Variants in CHRNB4 observed in about 807,000 individuals in gnomAD.
The protein encoded by CHRNB4 is neuronal acetylcholine receptor subunit beta-4.
In CHRNB4, 23 loss-of-function variants were observed where a neutral mutation model predicts 40.4. The ratio of observed to expected loss-of-function variants is 0.57; its 90% CI spans 0.41 to 0.81. CHRNB4 has a LOEUF of 0.81. Ranked by LOEUF, CHRNB4 falls within the 30% of genes least tolerant of loss-of-function variation. The pLI, the probability that CHRNB4 is intolerant of heterozygous loss-of-function variation, is 0.00. For synonymous variants in CHRNB4, 285 were observed against 274.4 expected (o/e 1.04, Z -0.38); for missense variants, 568 against 670.6 (o/e 0.85, Z 1.69).
intron 7 of CHRNB4, among the ~76,000 whole-genome samples, chr15:78,646,252 C>G (rs2054122401): frequency 6.6e-6 from 1 of 152,036 alleles, no homozygotes; most frequent in East Asian, 1.9e-4. Context: ...CAGAAGTTGC[C>G]TTGTAGATCA....
intron 1 of CHRNB4, among the ~76,000 whole-genome samples, chr15:78,640,260 G>A (rs2054041176): frequency 6.6e-6 from 1 of 152,188 alleles, no homozygotes; most frequent in South Asian, 2.1e-4. Context: ...AAGCCTGGGT[G>A]ACTGTAGGAG....
Position 78,654,252 on chromosome 15 carries a change from C to T in CHRNB4, c.-110+1292G>A, listed in dbSNP as rs930884280. Among the ~76,000 whole-genome samples, 3 of 152,220 alleles carry T rather than the reference C, an allele frequency of 2.0e-5. 1 individual carries two copies. The highest frequency in any genetic ancestry group is 4.4e-5 in the Non-Finnish European group (3 of 68,034). On this transcript the variant is annotated intron_variant and NMD_transcript_variant, in intron 5 of 11. Transcript: ENST00000559849. ...CTCAAAGAGAATTGAGGTAACATTG[C>T]TGGGTGCTCCACGTAAGGGCAGATG... is the stretch of plus-strand genomic sequence containing the variant.
intron 1 of CHRNB4, among the ~76,000 whole-genome samples, chr15:78,639,590 G>A (rs1166560947): frequency 2.0e-5 from 3 of 152,160 alleles, no homozygotes; most frequent in African/African-American, 4.8e-5. Flanking sequence ...GAGCCACCGC[G>A]CCTGGCCTAT....
Position 78,624,916 on chromosome 15 carries a change from T to G in CHRNB4, c.*217A>C. 6.9e-7 allele frequency: 1 copy of G among 1,458,436 alleles called. No individual in the cohort carries two copies. Among genetic ancestry groups the G allele is most frequent in the Non-Finnish European group, 9.1e-7 (1 of 1,102,914 alleles). The allele number at this position is 1,458,436 out of a possible 1,614,324, so 90.3% of individuals were successfully genotyped here. A position where few individuals can be genotyped will look rare whatever the true frequency, so the allele number is the denominator to read the frequency against. ...AGGCCAGAATTGAACTGTCTGAAGC[T>G]CCCTCCTACTGGGGCTTCCTGGGAT... On this transcript the variant is annotated 3_prime_UTR_variant, in exon 6 of 6. Transcript: ENST00000261751.
chr15:78,631,240 G>T lies in CHRNB4; in HGVS notation c.249+48C>A, dbSNP rs1391676368. 2.5e-6 allele frequency: 4 copies of T among 1,612,912 alleles called. No homozygotes were observed. In the Admixed American group the frequency reaches 6.7e-5, roughly 27 times the overall value. ...GCAGGTCCACTGCCACCAAAGGGCA[G>T]CCCTAAAGAAAAGATCTCTGGGGCT... On this transcript the variant is annotated intron_variant, in intron 3 of 5. Coordinates refer to ENST00000261751, the MANE Select transcript of CHRNB4 (RefSeq NM_000750.5).
chr15:78,644,189 T>C (rs1341620906), upstream of CHRNB4, among the ~76,000 whole-genome samples: 1 of 151,264 alleles, frequency 6.6e-6, no homozygotes, highest in Non-Finnish European at 1.5e-5. Flanking sequence ...CTATTCACAA[T>C]AGTAACAAAA....
chr15:78,641,127 G>A lies in CHRNB4; in HGVS notation c.7C>T (p.Arg3Cys). Residue 3 changes from arginine (R) to cysteine (C), a missense_variant, in exon 1 of 6, where the codon CGC becomes TGC. By Grantham distance (180) the Arg-to-Cys change is radical. Around this residue, in one of 4 missense-constraint regions of CHRNB4, gnomAD observed 161 missense variants for 148.1 expected, o/e 1.09. Coordinates refer to ENST00000261751, the MANE Select transcript of CHRNB4 (RefSeq NM_000750.5). ...AAGAAAAGGACCAGGGAAGGCGCGC[G>A]CCTCATGGCCGGCGGGGCCGGGTGG... MR[R>C]APSLVLFFLV... 1.3e-6 allele frequency: 2 copies of A among 1,567,592 alleles called. No homozygotes were observed. Among genetic ancestry groups the A allele is most frequent in the Non-Finnish European group, 1.7e-6 (2 of 1,158,124 alleles).
chr15:78,655,667 T>C (rs1596126126), intron 4 of CHRNB4: 1 of 151,902 alleles, frequency 6.6e-6, no homozygotes, highest in South Asian at 2.1e-4. Context: ...CGAGACCCTG[T>C]TTCAAAAACA....
intron 1 of CHRNB4, among the ~76,000 whole-genome samples, chr15:78,640,754 G>C (rs1421991353): frequency 3.3e-5 from 5 of 152,234 alleles, no homozygotes; most frequent in Non-Finnish European, 7.3e-5. Flanking sequence ...AGACTGCTGG[G>C]GATGACCCGC....
Position 78,629,074 on chromosome 15 carries a change from C to T in CHRNB4, c.1231G>A (p.Asp411Asn). The T allele has an allele frequency of 6.2e-7, 1 of 1,614,174 alleles. No individual in the cohort carries two copies. Residue 411 changes from aspartate (D) to asparagine (N), a missense_variant, in exon 5 of 6, where the codon GAT becomes AAT. Transcript: ENST00000261751. This position sits in a 1 kb window ranked among gnomAD's most constrained non-coding sequence, Gnocchi z 6.8. ...AGSTPVAIPR[D>N]FWLRSSGRFR... ...CTCCCAGAGGACCGCAGCCAGAAAT[C>T]CCTGGGGATAGCCACCGGGGTAGAG...
At chr15:78,654,331 G>A (rs905934619) in intron 5 of CHRNB4, among the ~76,000 whole-genome samples, 1 of 152,158 alleles carries the variant, frequency 6.6e-6, no homozygotes, top group Non-Finnish European at 1.5e-5. Context: ...TTCCTTTGTT[G>A]GAAGTATTTT....
upstream of CHRNB4, chr15:78,661,569 A>G (rs924779454): frequency 1.5e-5 from 8 of 534,506 alleles, no homozygotes; most frequent in Admixed American, 6.1e-5. Context: ...CTTGCGCGGA[A>G]CGTTTTTTGG....
At chr15:78,644,944 C>A (rs1299678914), upstream of CHRNB4, among the ~76,000 whole-genome samples, 1 of 152,162 alleles carries the variant, frequency 6.6e-6, no homozygotes, top group East Asian at 1.9e-4. Flanking sequence ...ATTCATCATG[C>A]CTTTTCATTT....
rs78196041 is a variant in CHRNB4, at chr15:78,629,101, C to T, written c.1204G>A (p.Gly402Ser). Residue 402 changes from glycine to serine, a missense_variant, in exon 5 of 6, where the codon GGC becomes AGC. Around this residue, in one of 4 missense-constraint regions of CHRNB4, gnomAD observed 242 missense variants for 274.9 expected, o/e 0.88. Transcript: ENST00000261751. This position sits in a 1 kb window ranked among gnomAD's most constrained non-coding sequence, Gnocchi z 6.8. ...CTGGGGATAGCCACCGGGGTAGAGC[C>T]GGCTGGAGACTTGGAAGCTGCAGAG... ...PASAASKSPAGSTPVAIPRDF... is the reference protein window; with the variant it reads ...PASAASKSPASSTPVAIPRDF... The T allele has an allele frequency of 6.9e-5, 111 of 1,614,118 alleles. 1 individual carries two copies. Among genetic ancestry groups the T allele is most frequent in the African/African-American group, 1.1e-4 (8 of 75,022 alleles).
At chr15:78,649,668 C>T (rs1218030992) in intron 6 of CHRNB4, among the ~76,000 whole-genome samples, 1 of 152,120 alleles carries the variant, frequency 6.6e-6, no homozygotes, top group Non-Finnish European at 1.5e-5. Flanking sequence ...GTACAAATCA[C>T]ATATAACATA....
chr15:78,645,731 CAAG>C (rs2054117425), upstream of CHRNB4, among the ~76,000 whole-genome samples: 1 of 152,058 alleles, frequency 6.6e-6, no homozygotes, highest in Non-Finnish European at 1.5e-5. Context: ...GGCTCTCCTT[CAAG>C]CAGAACCCAA....
chr15:78,632,131 CTT>C (rs1323496068), intron 2 of CHRNB4, among the ~76,000 whole-genome samples: 1 of 144,926 alleles, frequency 6.9e-6, no homozygotes, highest in Non-Finnish European at 1.5e-5. Context: ...CCTGCCTTCT[CTT>C]TTTCTTTCTT....
intron 6 of CHRNB4, among the ~76,000 whole-genome samples, chr15:78,652,419 G>C (rs2054180650): frequency 6.6e-6 from 1 of 152,266 alleles, no homozygotes; most frequent in Non-Finnish European, 1.5e-5. Context: ...TGAGGACATG[G>C]GTCAGGGCTG....
upstream of CHRNB4, among the ~76,000 whole-genome samples, chr15:78,641,972 G>A (rs2054082323): frequency 6.6e-6 from 1 of 152,196 alleles, no homozygotes. Flanking sequence ...ATCTAGAAGG[G>A]CCTCTGGCAG....
Sources: gnomAD v4.1 joint callset for allele counts (sites outside exome capture counted in the v4.1 genomes callset) on GRCh38, gnomAD v4.1.1 for gene constraint, gnomAD v4.1.1 regional missense constraint, Gnocchi (gnomAD v3.1) non-coding constraint, MANE v1.5 for transcripts, NCBI Gene and HGNC (gene_info 2026-07-23, HGNC 2026-07-21) for gene names.